The following ANOS1 variants were observed in gnomAD, a reference collection of about 807,000 sequenced individuals.
ANOS1 encodes anosmin 1, also known as anosmin-1.
ANOS1 carries 6 observed loss-of-function variants against 59.0 expected under a neutral mutation model. That is an observed-to-expected ratio of 0.10 (90% CI 0.06 to 0.20). The LOEUF is 0.20. Among genes scored for constraint, ANOS1 ranks in the 10% least tolerant of loss-of-function variants. The pLI, the probability that ANOS1 is intolerant of heterozygous loss-of-function variation, is 1.00. For missense variants in ANOS1, 433 were observed against 542.3 expected (o/e 0.80, Z 2.00); for synonymous variants, 217 against 223.4 (o/e 0.97, Z 0.25).
chrX:8,668,394 C>CATATATATATATAT (rs202229567), intron 2 of ANOS1, among the ~76,000 whole-genome samples: 13 of 51,566 alleles, frequency 2.5e-4, no homozygotes, highest in East Asian at 4.9e-4. Context: ...AGTATTCCAT[C>CATATATATATATAT]ATATATATAT....
intron 2 of ANOS1, among the ~76,000 whole-genome samples, chrX:8,626,579 G>A (rs903646044): frequency 1.8e-5 from 2 of 110,902 alleles, no homozygotes; most frequent in African/African-American, 6.6e-5. Context: ...TTATCTAAAG[G>A]CCGGGCGCGG....
chrX:8,585,464 T>C, intron 5 of ANOS1, 68 bp from the exon 6 acceptor site: 1 of 1,139,983 alleles, frequency 8.8e-7, no homozygotes, highest in South Asian at 1.8e-5. Flanking sequence ...GTTGGATCTG[T>C]TTAGAAAAAT....
intron 9 of ANOS1, among the ~76,000 whole-genome samples, chrX:8,543,872 T>A (rs1056015280): frequency 4.5e-5 from 5 of 110,415 alleles, no homozygotes; most frequent in East Asian, 2.8e-4. Flanking sequence ...CTTAAAAAAA[T>A]AATAATAAAA....
intron 2 of ANOS1, among the ~76,000 whole-genome samples, chrX:8,647,280 C>CG (rs1468284748): frequency 9.0e-6 from 1 of 110,612 alleles, no homozygotes; most frequent in South Asian, 3.9e-4. Context: ...GAACTGCCCC[C>CG]GGGTTGAGAA....
At chrX:8,608,236 C>T (rs1282523754) in intron 3 of ANOS1, among the ~76,000 whole-genome samples, 1 of 111,987 alleles carries the variant, frequency 8.9e-6, no homozygotes, top group Non-Finnish European at 1.9e-5. Context: ...AAGGTGCAAT[C>T]AGTGCTAGCC....
intron 2 of ANOS1, among the ~76,000 whole-genome samples, chrX:8,641,593 T>C (rs960769581): frequency 1.8e-5 from 2 of 112,272 alleles, no homozygotes; most frequent in Admixed American, 9.5e-5. Flanking sequence ...TACACTGGTG[T>C]GCATACACAC....
At chrX:8,662,558 T>C (rs1305413702) in intron 2 of ANOS1, among the ~76,000 whole-genome samples, 3 of 112,124 alleles carry the variant, frequency 2.7e-5, no homozygotes, top group African/African-American at 9.7e-5. Context: ...CCCCCCAAAA[T>C]TGATATGTTG....
intron 2 of ANOS1, among the ~76,000 whole-genome samples, chrX:8,667,885 G>T (rs753248766): frequency 1.8e-5 from 2 of 111,026 alleles, no homozygotes; most frequent in Admixed American, 9.6e-5. Flanking sequence ...AGAGCCAGAT[G>T]GACTGGATTA....
chrX:8,565,847 A>G (rs888957469), intron 8 of ANOS1: 3 of 166,737 alleles, frequency 1.8e-5, no homozygotes, highest in African/African-American at 3.1e-5. Flanking sequence ...CAAGCCATCC[A>G]AGGGGAGGTG....
At chrX:8,667,009 A>G (rs375787324) in intron 2 of ANOS1, among the ~76,000 whole-genome samples, 58 of 111,628 alleles carry the variant, frequency 5.2e-4, no homozygotes, top group African/African-American at 1.7e-3. Flanking sequence ...TTGACTATGA[A>G]AAAGTTTCAT....
intron 2 of ANOS1, among the ~76,000 whole-genome samples, chrX:8,685,596 GGAA>G (rs1168438610): frequency 1.5e-5 from 1 of 64,900 alleles, no homozygotes; most frequent in Non-Finnish European, 2.8e-5. Context: ...GAGAAAGAAA[GGAA>G]GAAAGAAAGA....
chrX:8,635,773 T>C (rs1340843630), intron 2 of ANOS1, among the ~76,000 whole-genome samples: 2 of 111,960 alleles, frequency 1.8e-5, no homozygotes, highest in Admixed American at 1.9e-4. Flanking sequence ...AGGACATCTG[T>C]ATATCCTTCG....
intron 3 of ANOS1, among the ~76,000 whole-genome samples, chrX:8,600,699 T>C (rs1930825610): frequency 8.9e-6 from 1 of 112,697 alleles, no homozygotes; most frequent in Non-Finnish European, 1.9e-5. Flanking sequence ...TTTTACTTCA[T>C]TGAGTTTTGA....
At chrX:8,580,803 A>G (rs1480370925) in intron 6 of ANOS1, among the ~76,000 whole-genome samples, 1 of 111,533 alleles carries the variant, frequency 9.0e-6, no homozygotes, top group East Asian at 2.8e-4. Flanking sequence ...GAAAAAAATA[A>G]AAATAAAAAC....
At chrX:8,637,878 T>C (rs148559247) in intron 2 of ANOS1, among the ~76,000 whole-genome samples, 1,930 of 112,363 alleles carry the variant, frequency 0.017, 46 homozygotes, top group African/African-American at 0.059. Flanking sequence ...AAACAGAAGA[T>C]ATTTTCTTGC....
At chrX:8,536,626 C>T in intron 11 of ANOS1, 145 bp downstream of exon 11, 2 of 506,288 alleles carry the variant, frequency 4.0e-6, no homozygotes, top group Non-Finnish European at 3.5e-6. Context: ...ACATCTCTTC[C>T]CTCCACATTG....
intron 2 of ANOS1, among the ~76,000 whole-genome samples, chrX:8,637,459 A>T (rs1363479405): frequency 1.8e-5 from 2 of 111,794 alleles, no homozygotes; most frequent in African/African-American, 6.5e-5. Flanking sequence ...GAACCAAAAA[A>T]ATGCAGAAAA....
At chrX:8,658,606 C>A (rs1411581975) in intron 2 of ANOS1, among the ~76,000 whole-genome samples, 1 of 112,155 alleles carries the variant, frequency 8.9e-6, no homozygotes, top group Non-Finnish European at 1.9e-5. Context: ...AGCAGTCTCA[C>A]CTTAGAGGGG....
At chrX:8,624,293 G>A (rs1224655784) in intron 2 of ANOS1, among the ~76,000 whole-genome samples, 2 of 111,378 alleles carry the variant, frequency 1.8e-5, no homozygotes, top group African/African-American at 6.5e-5. Context: ...TGGGATTACA[G>A]GCGTGAGCCA....
Sources: allele counts gnomAD v4.1 joint callset (sites outside exome capture counted in the v4.1 genomes callset), GRCh38; gene constraint gnomAD v4.1.1; transcripts MANE v1.5; gene names NCBI Gene and HGNC (gene_info 2026-07-23, HGNC 2026-07-21).